The following CAMTA1 variants were observed in gnomAD, a reference collection of about 807,000 sequenced individuals.
The protein encoded by CAMTA1 is calmodulin binding transcription activator 1.
CAMTA1 carries 27 observed loss-of-function variants against 170.9 expected under a neutral mutation model. The observed-to-expected ratio is 0.16, with a 90% CI of 0.12 to 0.22. The LOEUF is 0.22. CAMTA1 is among the 10% of genes least tolerant of loss of function. CAMTA1 has a pLI of 1.00. For synonymous variants in CAMTA1, 833 were observed against 891.5 expected, an observed-to-expected ratio of 0.93 and a Z score of 1.17; for missense variants, 1,619 against 2,217.2, an observed-to-expected ratio of 0.73 and a Z score of 5.42.
chr1:6,985,544 C>G (rs72638589), intron 3 of CAMTA1, among the ~76,000 whole-genome samples: 6,922 of 152,302 alleles, frequency 0.045, 183 homozygotes, highest in Middle Eastern at 0.14. Flanking sequence ...ATACTTTCAT[C>G]GGGGACCCGA....
intron 3 of CAMTA1, among the ~76,000 whole-genome samples, chr1:6,883,847 G>T (rs963885942): frequency 2.6e-4 from 39 of 152,148 alleles, no homozygotes; most frequent in African/African-American, 9.4e-4. Context: ...AAAAATAAAG[G>T]AAACTAATTT....
intron 5 of CAMTA1, among the ~76,000 whole-genome samples, chr1:7,292,539 C>T (rs760207984): frequency 2.0e-4 from 30 of 152,134 alleles, no homozygotes; most frequent in Non-Finnish European, 3.4e-4. Flanking sequence ...ATGATCCATA[C>T]GGGTACTGCC....
intron 5 of CAMTA1, among the ~76,000 whole-genome samples, chr1:7,374,792 A>G (rs556159091): frequency 6.6e-6 from 1 of 152,206 alleles, no homozygotes; most frequent in Admixed American, 6.5e-5. Context: ...GCCACTCACT[A>G]TTCATGCTGT....
At chr1:7,610,125 A>G (rs1044996944) in intron 6 of CAMTA1, among the ~76,000 whole-genome samples, 1 of 152,238 alleles carries the variant, frequency 6.6e-6, no homozygotes, top group African/African-American at 2.4e-5. Flanking sequence ...GGGGTTGTGC[A>G]AAAACACACA....
chr1:7,019,237 G>A (rs1701016725), intron 3 of CAMTA1, among the ~76,000 whole-genome samples: 1 of 152,234 alleles, frequency 6.6e-6, no homozygotes, highest in Non-Finnish European at 1.5e-5. Flanking sequence ...TAAGGGTTGG[G>A]CTGGGCAGCC....
chr1:7,194,214 A>G lies in CAMTA1; in HGVS notation c.303-55277A>G, dbSNP rs576522937. On this transcript the variant is annotated intron_variant, in intron 4 of 22. Transcript: ENST00000303635. ...CTTTACAATCCCCTACCGTCCTCCT[A>G]TCTGGTCAAAATATAGCTACTTTTT... 2.6e-5 allele frequency among the ~76,000 whole-genome samples: 4 copies of G among 152,308 alleles called. No homozygotes were observed. The East Asian group carries it at 7.7e-4, about 29-fold the overall frequency.
At chr1:7,615,723 C>T (rs757079643) in intron 6 of CAMTA1, among the ~76,000 whole-genome samples, 5 of 152,198 alleles carry the variant, frequency 3.3e-5, no homozygotes, top group African/African-American at 4.8e-5. Context: ...AGACAAAGGT[C>T]ACTTTGGGGC....
intron 3 of CAMTA1, among the ~76,000 whole-genome samples, chr1:6,867,757 AT>A (rs1164146706): frequency 6.6e-6 from 1 of 152,160 alleles, no homozygotes; most frequent in Admixed American, 6.5e-5. Flanking sequence ...ATATTTATAG[AT>A]TAAAAATAAT....
chr1:7,597,684 G>A (rs2095410711), intron 6 of CAMTA1, among the ~76,000 whole-genome samples: 1 of 152,152 alleles, frequency 6.6e-6, no homozygotes, highest in Non-Finnish European at 1.5e-5. Flanking sequence ...GAGTCTGAAA[G>A]CCATCTGCTG....
intron 3 of CAMTA1, among the ~76,000 whole-genome samples, chr1:7,025,005 G>A (rs1188692289): frequency 1.3e-5 from 2 of 152,188 alleles, no homozygotes; most frequent in African/African-American, 4.8e-5. Flanking sequence ...CAGTGCTGGG[G>A]TGACTCCCTA....
At chr1:7,765,429 C>A (rs1276920062) in intron 22 of CAMTA1, among the ~76,000 whole-genome samples, 1 of 152,190 alleles carries the variant, frequency 6.6e-6, no homozygotes, top group East Asian at 1.9e-4. Flanking sequence ...TGTGAACTTT[C>A]CATGACTCAG....
At chr1:6,951,892 G>A (rs769570400) in intron 3 of CAMTA1, among the ~76,000 whole-genome samples, 1 of 152,164 alleles carries the variant, frequency 6.6e-6, no homozygotes, top group Non-Finnish European at 1.5e-5. Flanking sequence ...TGTGAGACAT[G>A]CCGTGCGAAC....
rs191674719 is a variant in CAMTA1 at position 6,997,850 on chromosome 1, C to T, written c.235-93454C>T. On this transcript the variant is annotated intron_variant, in intron 3 of 22. Transcript: ENST00000303635. ...TAGTTTTTTGTATTTTTAGTAGGGA[C>T]GGGGTTTCACCATGGCCAGGCTGGT... 8.7e-3 allele frequency among the ~76,000 whole-genome samples: 1,323 copies of T among 151,674 alleles called. 9 individuals are homozygous for T. Among genetic ancestry groups the T allele is most frequent in the Middle Eastern group, 0.071 (21 of 294 alleles).
intron 6 of CAMTA1, among the ~76,000 whole-genome samples, chr1:7,594,935 G>T (rs1183584046): frequency 1.3e-5 from 2 of 152,196 alleles, no homozygotes; most frequent in Admixed American, 6.5e-5. Flanking sequence ...TTCGGAATTG[G>T]TGAAGTTGGA....
intron 6 of CAMTA1, among the ~76,000 whole-genome samples, chr1:7,533,772 G>C (rs368370408): frequency 3.3e-5 from 5 of 152,060 alleles, no homozygotes; most frequent in East Asian, 3.9e-4. Flanking sequence ...AATTAGCCGG[G>C]CATGGTGGTG....
rs556715142 is a variant in CAMTA1, at chr1:7,548,714, G to A, written c.510+80813G>A. On this transcript the variant is annotated intron_variant, in intron 6 of 22. Transcript: ENST00000303635. ...CCCCTTAGGGGTGGAGGTGCCCATG[G>A]AGGGTGCCTCCTTAGGGGTGGAGGT... is the stretch of plus-strand genomic sequence containing the variant. 3.5e-4 allele frequency among the ~76,000 whole-genome samples: 31 copies of A among 88,180 alleles called. 5 individuals carry two copies. Among genetic ancestry groups the A allele is most frequent in the Non-Finnish European group, 7.6e-4 (28 of 36,794 alleles). 57.8% of individuals were successfully genotyped at this position (88,180 alleles called of 152,430 possible).
In CAMTA1 at chr1:7,067,410, C is replaced by T. The variant is rs1709098747; in HGVS notation, c.235-23894C>T. Among the ~76,000 whole-genome samples, 1 of 146,008 alleles carries T rather than the reference C, an allele frequency of 6.8e-6. No homozygotes were observed. Among genetic ancestry groups the T allele is most frequent in the Non-Finnish European group, 1.5e-5 (1 of 66,530 alleles). The stretch of plus-strand genomic sequence containing the variant: ...TTCAATGCAACCAATTAGGTTCTTA[C>T]TTGCTGAATTCTTCTTCTTCTTCTT... On this transcript the variant is annotated intron_variant, in intron 3 of 22. Coordinates refer to ENST00000303635, the MANE Select transcript of CAMTA1 (RefSeq NM_015215.4). The surrounding 1 kb of genome is among the most constrained non-coding windows in gnomAD (Gnocchi z 4.3).
chr1:6,876,608 C>T (rs1669968915), intron 3 of CAMTA1, among the ~76,000 whole-genome samples: 1 of 152,134 alleles, frequency 6.6e-6, no homozygotes, highest in Non-Finnish European at 1.5e-5. Flanking sequence ...GGTGATCCAC[C>T]CGCCTCGGCC....
chr1:7,554,972 G>A (rs1241535390), intron 6 of CAMTA1, among the ~76,000 whole-genome samples: 7 of 151,758 alleles, frequency 4.6e-5, no homozygotes, highest in African/African-American at 7.3e-5. Flanking sequence ...CAAGACTCAG[G>A]GAGTTATCAG....
Sources: gnomAD v4.1 joint callset for allele counts (sites outside exome capture counted in the v4.1 genomes callset) on GRCh38, gnomAD v4.1.1 for gene constraint, Gnocchi (gnomAD v3.1) non-coding constraint, MANE v1.5 for transcripts, NCBI Gene and HGNC (gene_info 2026-07-23, HGNC 2026-07-21) for gene names.